Variants in PPARGC1A observed in about 807,000 individuals in gnomAD.
The protein encoded by PPARGC1A is PPARG coactivator 1 alpha.
A neutral mutation model predicts 88.7 loss-of-function variants in PPARGC1A; 25 were observed. The observed-to-expected ratio is 0.28, with a 90% CI of 0.21 to 0.39. The LOEUF is 0.39. Among genes scored for constraint, PPARGC1A ranks in the 10% least tolerant of loss-of-function variants. PPARGC1A has a pLI of 1.00. For synonymous variants in PPARGC1A, 363 were observed against 355.6 expected, an observed-to-expected ratio of 1.02 and a Z score of -0.24; for missense variants, 880 against 968.7, an observed-to-expected ratio of 0.91 and a Z score of 1.22.
chr4:23,946,882 A>G, the PPARGC1A span, among the ~76,000 whole-genome samples: 2 of 151,996 alleles, frequency 1.3e-5, no homozygotes, highest in Non-Finnish European at 2.9e-5. Context: ...TGCTACAAAG[A>G]TGGTATTTTT....
the PPARGC1A span, among the ~76,000 whole-genome samples, chr4:24,117,761 G>T: frequency 6.6e-6 from 1 of 151,902 alleles, no homozygotes; most frequent in African/African-American, 2.4e-5. Context: ...AGACATAATT[G>T]CTATTAATAA....
the PPARGC1A span, among the ~76,000 whole-genome samples, chr4:24,118,332 A>C: frequency 6.6e-6 from 1 of 152,134 alleles, no homozygotes; most frequent in Admixed American, 6.6e-5. Flanking sequence ...CTACAGTTTG[A>C]ACGTTTGAAG....
chr4:24,443,347 G>T, the PPARGC1A span, among the ~76,000 whole-genome samples: 1 of 151,604 alleles, frequency 6.6e-6, no homozygotes, highest in African/African-American at 2.4e-5. Flanking sequence ...GAAAGCCCAG[G>T]ATCAGCAGAA....
the PPARGC1A span, among the ~76,000 whole-genome samples, chr4:24,365,578 A>T: frequency 2.0e-5 from 3 of 152,150 alleles, no homozygotes; most frequent in Non-Finnish European, 4.4e-5. Context: ...TTTACCTTCC[A>T]TGCACAAATC....
chr4:24,206,537 T>C, the PPARGC1A span, among the ~76,000 whole-genome samples: 11 of 152,060 alleles, frequency 7.2e-5, no homozygotes, highest in Non-Finnish European at 1.6e-4. Context: ...TAAAAAATAC[T>C]AACATTGGAG....
the PPARGC1A span, among the ~76,000 whole-genome samples, chr4:24,030,330 T>C: frequency 2.9e-4 from 44 of 152,178 alleles, 1 homozygote; most frequent in South Asian, 2.1e-4. Context: ...AAAAATGCAG[T>C]TGCCACCAGA....
the PPARGC1A span, among the ~76,000 whole-genome samples, chr4:24,219,302 C>T: frequency 7.2e-5 from 11 of 152,216 alleles, no homozygotes; most frequent in Non-Finnish European, 1.2e-4. Context: ...TTATCTGGCA[C>T]CAACTGTCCC....
the PPARGC1A span, among the ~76,000 whole-genome samples, chr4:24,446,555 G>A: frequency 1.1e-4 from 16 of 151,504 alleles, no homozygotes; most frequent in African/African-American, 3.9e-4. Context: ...GAAAAGAAAA[G>A]GTCTCTCACA....
chr4:23,943,379 GGTTTTT>G, the PPARGC1A span, among the ~76,000 whole-genome samples: 1 of 66,174 alleles, frequency 1.5e-5, no homozygotes, highest in African/African-American at 5.2e-5. Context: ...TAAATTAAAA[GGTTTTT>G]TTTTTTTTTT....
the PPARGC1A span, among the ~76,000 whole-genome samples, chr4:23,913,259 TATATATATAGAGAGAGAGAG>T: frequency 1.8e-3 from 90 of 49,002 alleles, no homozygotes; most frequent in African/African-American, 6.1e-3. Flanking sequence ...TATATATATA[TATATATATAGAGAGAGAGAG>T]AGAGAGAGAG....
chr4:24,161,874 A>T, the PPARGC1A span, among the ~76,000 whole-genome samples: 2 of 151,928 alleles, frequency 1.3e-5, no homozygotes, highest in Non-Finnish European at 2.9e-5. Context: ...TGGCACACAC[A>T]TGTTTATAGC....
At chr4:24,433,358 TG>T in the PPARGC1A span, among the ~76,000 whole-genome samples, 1 of 152,014 alleles carries the variant, frequency 6.6e-6, no homozygotes, top group Admixed American at 6.6e-5. Flanking sequence ...TACTTCGCTC[TG>T]GGGGGGACAG....
chr4:24,038,286 C>CT, the PPARGC1A span, among the ~76,000 whole-genome samples: 15 of 152,322 alleles, frequency 9.8e-5, no homozygotes, highest in African/African-American at 3.6e-4. Flanking sequence ...GTCTCTGTCA[C>CT]TTCCACGTGA....
intron 2 of PPARGC1A, among the ~76,000 whole-genome samples, chr4:23,835,466 TTGTGTGTGTGTGTGTGTGTGTG>T (rs145407468): frequency 1.9e-4 from 26 of 135,364 alleles, no homozygotes; most frequent in Non-Finnish European, 4.2e-4. Flanking sequence ...GCATGGCGGC[TTGTGTGTGTGTGTGTGTGTGTG>T]TGTGTGTGTG....
the PPARGC1A span, among the ~76,000 whole-genome samples, chr4:24,273,437 A>G: frequency 6.6e-6 from 1 of 152,174 alleles, no homozygotes; most frequent in Non-Finnish European, 1.5e-5. Context: ...CAGAAAGAAG[A>G]GACTCTCTTT....
At chr4:24,098,897 G>C in the PPARGC1A span, among the ~76,000 whole-genome samples, 1 of 152,164 alleles carries the variant, frequency 6.6e-6, no homozygotes, top group Non-Finnish European at 1.5e-5. Context: ...ATATGAATCT[G>C]TCACTGATTT....
the PPARGC1A span, among the ~76,000 whole-genome samples, chr4:24,021,451 A>G: frequency 6.6e-6 from 1 of 152,200 alleles, no homozygotes; most frequent in Non-Finnish European, 1.5e-5. Flanking sequence ...TCAGCCAGGT[A>G]CCAAGTAACA....
chr4:23,981,725 T>C, the PPARGC1A span, among the ~76,000 whole-genome samples: 1 of 152,200 alleles, frequency 6.6e-6, no homozygotes, highest in Non-Finnish European at 1.5e-5. Context: ...GTGTGTACTA[T>C]TTTTTAAATT....
the PPARGC1A span, among the ~76,000 whole-genome samples, chr4:24,325,501 G>T: frequency 1.3e-5 from 2 of 152,202 alleles, no homozygotes; most frequent in Admixed American, 1.3e-4. Context: ...TCAGAAATCT[G>T]ACCACCAGGC....
Sources: allele counts gnomAD v4.1 joint callset (sites outside exome capture counted in the v4.1 genomes callset), GRCh38; gene constraint gnomAD v4.1.1; transcripts MANE v1.5; gene names NCBI Gene and HGNC (gene_info 2026-07-23, HGNC 2026-07-21).